The following CEP135 variants were observed in gnomAD, a reference collection of about 807,000 sequenced individuals.
CEP135 encodes the protein centrosomal protein 135, also known as centrosomal protein of 135 kDa.
In CEP135, 142 loss-of-function variants were observed where a neutral mutation model predicts 157.3. The observed-to-expected ratio is 0.90, with a 90% CI of 0.79 to 1.04. CEP135 has a LOEUF of 1.04. CEP135 is among the 50% of genes least tolerant of loss of function. CEP135 has a pLI of 0.00. For synonymous variants in CEP135, 396 were observed against 439.8 expected (o/e 0.90, Z 1.25); for missense variants, 1,317 against 1,309.2 (o/e 1.01, Z -0.09).
chr4:56,012,131 TAC>T (rs1560422002), intron 21 of CEP135, 146 bp downstream of exon 21: 1 of 485,140 alleles, frequency 2.1e-6, no homozygotes. Flanking sequence ...GATCTTTGCT[TAC>T]TGCACCCACC....
Position 55,981,273 on chromosome 4 carries a change from C to T in CEP135, c.1673C>T (p.Thr558Ile), listed in dbSNP as rs1729396646. ...CTAAGAAAGGAATCCACCCAAACCA[C>T]AGCACCCCATAATATTGTTAGTCTT... ...SALRKESTQT[T>I]APHNIVSLME... Residue 558 changes from threonine to isoleucine, a missense_variant, in exon 13 of 26, where the codon ACA (threonine) becomes ATA (isoleucine). Transcript: ENST00000257287. 6.3e-7 allele frequency: 1 copy of T among 1,598,552 alleles called. No homozygotes were observed. The highest frequency in any genetic ancestry group is 8.5e-7 in the Non-Finnish European group (1 of 1,175,062).
chr4:55,981,376 A>G lies in CEP135; in HGVS notation c.1776A>G (p.Leu592=). ...MAEKEALREK[L]EHIEEVSLFG... is the part of the protein sequence containing the mutation. ...AAAAGGAAGCTTTAAGAGAAAAATTAGAGGTAAGAAGATTGACATGTTTTT... is the reference window on the plus strand; with the variant it reads ...AAAAGGAAGCTTTAAGAGAAAAATTGGAGGTAAGAAGATTGACATGTTTTT... Residue 592 remains leucine (L), a synonymous_variant, in exon 13 of 26, where the codon TTA becomes TTG. Coordinates refer to ENST00000257287, the MANE Select transcript of CEP135 (RefSeq NM_025009.5). 4.5e-6 allele frequency: 7 copies of G among 1,569,840 alleles called. No individual in the cohort carries two copies. Among genetic ancestry groups the G allele is most frequent in the Non-Finnish European group, 6.0e-6 (7 of 1,166,758 alleles).
In CEP135 at chr4:56,019,359, G is replaced by A. The variant is rs1577913276; in HGVS notation, c.3019G>A (p.Val1007Met). 1.2e-6 allele frequency: 2 copies of A among 1,609,034 alleles called. No homozygotes were observed. The highest frequency in any genetic ancestry group is 1.7e-6 in the Non-Finnish European group (2 of 1,178,566). ...TACTTTGTTTTTCACGTAGGTTGTG[G>A]TGGAATTAGAAAATGTAAAGTCAGA... ...SKNLEFERVV[V>M]ELENVKSESD... The change falls in exon 23 of 26, where the codon GTG becomes ATG. Residue 1007 changes from valine (V) to methionine (M), a missense_variant. Transcript: ENST00000257287.
intron 21 of CEP135, among the ~76,000 whole-genome samples, chr4:56,017,089 CTG>C (rs1221196190): frequency 2.6e-5 from 4 of 151,900 alleles, no homozygotes; most frequent in Non-Finnish European, 5.9e-5. Context: ...GAAATTTCAA[CTG>C]TGGATTCTTC....
chr4:55,965,883 G>T (rs760221366), intron 8 of CEP135, 24 bp downstream of exon 8: 29 of 1,558,996 alleles, frequency 1.9e-5, no homozygotes, highest in Non-Finnish European at 2.6e-5. Context: ...TGTGTAGATT[G>T]TGAGAGTGTT....
intron 25 of CEP135, among the ~76,000 whole-genome samples, chr4:56,026,221 A>AG (rs1351680801): frequency 6.6e-6 from 1 of 152,132 alleles, no homozygotes; most frequent in Non-Finnish European, 1.5e-5. Context: ...AAAATAAAAT[A>AG]TAAAGCCTGG....
intron 19 of CEP135, among the ~76,000 whole-genome samples, chr4:56,010,177 C>CT (rs1467166766): frequency 1.4e-4 from 3 of 21,722 alleles, no homozygotes; most frequent in Non-Finnish European, 2.2e-4. Context: ...TTGTGAAAAC[C>CT]CCCCCCCCAC....
chr4:55,957,351 G>A lies in CEP135; in HGVS notation c.601G>A (p.Val201Met). Reference protein sequence around the residue: ...DDPYIADLLQVADNRIQELQQ... With the variant: ...DDPYIADLLQMADNRIQELQQ... The stretch of plus-strand genomic sequence containing the variant: ...CCCTTACATTGCAGACCTCCTTCAA[G>A]TGGCTGATAACAGGTGCATTAAATA... Residue 201 changes from valine (V) to methionine (M), a missense_variant, in exon 5 of 26, where the codon GTG (valine) becomes ATG (methionine). By Grantham distance (21) the Val-to-Met change is conservative. Transcript: ENST00000257287. 3 of 1,612,710 alleles carry A rather than the reference G, an allele frequency of 1.9e-6. No individual in the cohort carries two copies. The highest frequency in any genetic ancestry group is 2.5e-6 in the Non-Finnish European group (3 of 1,179,700).
chr4:55,989,800 A>AT (rs1277974712), intron 14 of CEP135, among the ~76,000 whole-genome samples: 1 of 152,242 alleles, frequency 6.6e-6, no homozygotes. Context: ...GTTGTAACAT[A>AT]TATTAGCAAA....
intron 24 of CEP135, among the ~76,000 whole-genome samples, chr4:56,021,931 G>A (rs960459997): frequency 1.3e-5 from 2 of 152,082 alleles, no homozygotes; most frequent in South Asian, 2.1e-4. Context: ...TCAGGAAGCC[G>A]AAGTGGGAGG....
rs752729697 is a variant in CEP135, at chr4:56,019,388, A to G, written c.3048A>G (p.Ser1016=). ...AATTAGAAAATGTAAAGTCAGAGTC[A>G]GACCTACTGAAAAAACAACTTTCAA... ...VVELENVKSE[S]DLLKKQLSNE... Residue 1016 remains serine, a synonymous_variant, in exon 23 of 26, where the codon TCA becomes TCG. Coordinates refer to ENST00000257287, the MANE Select transcript of CEP135 (RefSeq NM_025009.5). The G allele has an allele frequency of 1.2e-6, 2 of 1,613,712 alleles. No homozygotes were observed. The highest frequency in any genetic ancestry group is 1.3e-5 in the African/African-American group (1 of 75,034).
intron 2 of CEP135, 28 bp from the exon 3 acceptor site, chr4:55,953,057 C>G (rs771385484): frequency 2.7e-6 from 4 of 1,493,496 alleles, no homozygotes; most frequent in Non-Finnish European, 3.6e-6. Flanking sequence ...GAAATATTTC[C>G]TGGTATTTAA....
At position 56,017,852 on chromosome 4, in the gene CEP135, G is replaced by C. The variant is rs1284206596; in HGVS notation, c.3007G>C (p.Glu1003Gln). 6.2e-7 allele frequency: 1 copy of C among 1,611,338 alleles called. No homozygotes were observed. Among genetic ancestry groups the C allele is most frequent in the Non-Finnish European group, 8.5e-7 (1 of 1,179,498 alleles). ...ATTGAATTCGAAAAACCTTGAGTTT[G>C]AGAGGGTAAGAAAGATAAATTGTCT... Reference protein sequence around the residue: ...QQLNSKNLEFERVVVELENVK... With the variant: ...QQLNSKNLEFQRVVVELENVK... Residue 1003 changes from glutamate (E) to glutamine (Q), a missense_variant, in exon 22 of 26, where the codon GAG (glutamate) becomes CAG (glutamine). Coordinates refer to ENST00000257287, the MANE Select transcript of CEP135 (RefSeq NM_025009.5).
Position 56,024,582 on chromosome 4 carries a change from T to C in CEP135, c.3402T>C (p.Ser1134=). The C allele has an allele frequency of 6.2e-7, 1 of 1,612,320 alleles. No homozygotes were observed. The highest frequency in any genetic ancestry group is 8.5e-7 in the Non-Finnish European group (1 of 1,178,442). ...LSSTLRSPSH[S]PEHRNV Reference sequence around the variant, plus strand: ...CCACTCTGAGGTCTCCTTCACATTCTCCTGAACATAGAAATGTGTAATTAT... The same window carrying C: ...CCACTCTGAGGTCTCCTTCACATTCCCCTGAACATAGAAATGTGTAATTAT... Residue 1134 remains serine, a synonymous_variant, in exon 25 of 26, where the codon TCT becomes TCC. Coordinates refer to ENST00000257287, the MANE Select transcript of CEP135 (RefSeq NM_025009.5).
intron 12 of CEP135, 150 bp from the exon 13 acceptor site, chr4:55,981,077 A>G: frequency 1.5e-6 from 1 of 659,868 alleles, no homozygotes; most frequent in Non-Finnish European, 2.3e-6. Flanking sequence ...TATTATTCTT[A>G]CTATTTTAAT....
chr4:56,017,332 GA>G (rs1054458305), intron 21 of CEP135, among the ~76,000 whole-genome samples: 1 of 151,830 alleles, frequency 6.6e-6, no homozygotes, highest in Non-Finnish European at 1.5e-5. Flanking sequence ...ATTTTTAAAG[GA>G]AAAATTTAAT....
chr4:55,988,240 G>A (rs904010701), intron 14 of CEP135, among the ~76,000 whole-genome samples: 1 of 151,160 alleles, frequency 6.6e-6, no homozygotes, highest in Non-Finnish European at 1.5e-5. Flanking sequence ...GGGGGGTGAG[G>A]GGGAAGAATT....
chr4:55,959,786 G>A lies in CEP135; in HGVS notation c.699+20G>A. 1 of 1,552,430 alleles carries A rather than the reference G, an allele frequency of 6.4e-7. No homozygotes were observed. The highest frequency in any genetic ancestry group is 1.1e-5 in the South Asian group (1 of 89,814). Reference sequence around the variant, plus strand: ...AAGCAGGTAGGATTTTTATTTACTTGCATAGTAGGGATTGAGATAGGTATG... The same window carrying A: ...AAGCAGGTAGGATTTTTATTTACTTACATAGTAGGGATTGAGATAGGTATG... On this transcript the variant is annotated intron_variant, in intron 6 of 25. Transcript: ENST00000257287.
intron 17 of CEP135, among the ~76,000 whole-genome samples, chr4:56,000,182 C>T (rs1027963279): frequency 7.9e-5 from 12 of 152,076 alleles, no homozygotes; most frequent in African/African-American, 2.9e-4. Context: ...AGAGCAACAC[C>T]CTGCCTCTAA....
Sources: gnomAD v4.1 joint callset for allele counts (sites outside exome capture counted in the v4.1 genomes callset) on GRCh38, gnomAD v4.1.1 for gene constraint, MANE v1.5 for transcripts, NCBI Gene and HGNC (gene_info 2026-07-23, HGNC 2026-07-21) for gene names.